The following FAIM variants were observed in gnomAD, a reference collection of about 807,000 sequenced individuals.
FAIM encodes the protein fas apoptotic inhibitory molecule 1.
FAIM carries 14 observed loss-of-function variants against 21.2 expected under a neutral mutation model. The ratio of observed to expected loss-of-function variants is 0.66; its 90% CI spans 0.44 to 1.03. The LOEUF (loss-of-function observed/expected upper bound fraction) is 1.03. FAIM is among the 50% of genes least tolerant of loss of function. The probability of loss-of-function intolerance (pLI) is 0.00; values close to 1 mark genes in which losing one functional copy is unlikely to be tolerated. For synonymous variants in FAIM, 86 were observed against 80.4 expected (o/e 1.07, Z -0.37); for missense variants, 222 against 247.1 (o/e 0.90, Z 0.68).
chr3:138,617,050 G>A (rs946108166), intron 1 of FAIM, among the ~76,000 whole-genome samples: 1 of 151,958 alleles, frequency 6.6e-6, no homozygotes, highest in Admixed American at 6.6e-5. Flanking sequence ...CTGAATGATT[G>A]TTCATAGTTT....
At chr3:138,617,611 A>G (rs933230745) in intron 1 of FAIM, among the ~76,000 whole-genome samples, 5 of 139,408 alleles carry the variant, frequency 3.6e-5, no homozygotes, top group African/African-American at 7.9e-5. Flanking sequence ...ATCTTATACT[A>G]TCTGTCTATC....
chr3:138,616,171 T>C (rs1020861045), intron 1 of FAIM, among the ~76,000 whole-genome samples: 4 of 152,182 alleles, frequency 2.6e-5, no homozygotes, highest in Non-Finnish European at 5.9e-5. Flanking sequence ...TTATTGTTTT[T>C]TGTTTTCCAG....
chr3:138,609,613 G>GCC (rs2042744946), intron 1 of FAIM, among the ~76,000 whole-genome samples: 2 of 14,310 alleles, frequency 1.4e-4, no homozygotes, highest in African/African-American at 3.9e-4. Context: ...TCTCTCTCTC[G>GCC]ACTCTCTCTC....
intron 1 of FAIM, among the ~76,000 whole-genome samples, chr3:138,618,191 G>A (rs2042848566): frequency 6.6e-6 from 1 of 151,656 alleles, no homozygotes; most frequent in Non-Finnish European, 1.5e-5. Context: ...TATTGTTGTA[G>A]GATACCCTCT....
intron 1 of FAIM, among the ~76,000 whole-genome samples, chr3:138,611,807 C>T (rs1426680568): frequency 6.6e-6 from 1 of 152,230 alleles, no homozygotes; most frequent in African/African-American, 2.4e-5. Flanking sequence ...ACAGCCAGCT[C>T]TCCTTTGCCT....
chr3:138,633,110 G>A lies in FAIM; in HGVS notation c.*31G>A. On this transcript the variant is annotated 3_prime_UTR_variant, in exon 6 of 6. Transcript: ENST00000360570. ...TTTCATCTTAAGAAGTAAAGATCAG[G>A]ACTTTTTAATTACTGTGGTAATTAA... 6.3e-7 allele frequency: 1 copy of A among 1,598,678 alleles called. No homozygotes were observed. The highest frequency in any genetic ancestry group is 1.1e-5 in the South Asian group (1 of 89,566).
intron 4 of FAIM, among the ~76,000 whole-genome samples, chr3:138,626,818 C>T (rs989231067): frequency 2.0e-5 from 3 of 152,102 alleles, no homozygotes; most frequent in African/African-American, 7.2e-5. Flanking sequence ...TTTGTACCCC[C>T]GTTAGCTATT....
intron 1 of FAIM, among the ~76,000 whole-genome samples, chr3:138,618,106 C>G (rs1577009782): frequency 6.6e-6 from 1 of 151,044 alleles, no homozygotes; most frequent in East Asian, 2.0e-4. Context: ...TTAGCCTCCC[C>G]CAGTAGCTGG....
At chr3:138,616,702 T>C (rs2042828794) in intron 1 of FAIM, among the ~76,000 whole-genome samples, 1 of 152,200 alleles carries the variant, frequency 6.6e-6, no homozygotes, top group Non-Finnish European at 1.5e-5. Context: ...TAACCATTTA[T>C]AAAAAGATTT....
intron 5 of FAIM, chr3:138,630,949 G>A (rs2042998560): frequency 6.6e-6 from 1 of 151,960 alleles, no homozygotes; most frequent in Non-Finnish European, 1.5e-5. Flanking sequence ...ACTAGTCTGG[G>A]TGACATGGCG....
At chr3:138,627,798 C>T (rs550873917) in intron 4 of FAIM, among the ~76,000 whole-genome samples, 11 of 152,064 alleles carry the variant, frequency 7.2e-5, no homozygotes, top group South Asian at 2.1e-4. Context: ...TTCCATCTAG[C>T]GCACCTCAAA....
chr3:138,609,417 C>T (rs573440404), intron 1 of FAIM, among the ~76,000 whole-genome samples: 3 of 152,050 alleles, frequency 2.0e-5, no homozygotes, highest in Non-Finnish European at 2.9e-5. Flanking sequence ...GCAGCCGTGC[C>T]GCTGCTCCCC....
intron 1 of FAIM, among the ~76,000 whole-genome samples, chr3:138,617,660 A>G (rs1243783461): frequency 7.3e-6 from 1 of 137,474 alleles, no homozygotes; most frequent in Non-Finnish European, 1.5e-5. Flanking sequence ...TATATAATAT[A>G]TATATATATG....
rs546790527 is a variant in FAIM, at chr3:138,627,317, G to T, written c.407-1790G>T. Among the ~76,000 whole-genome samples, 90 of 151,510 alleles carry T rather than the reference G, an allele frequency of 5.9e-4. 1 individual carries two copies. Among genetic ancestry groups the T allele is most frequent in the African/African-American group, 2.2e-3 (89 of 41,362 alleles). On this transcript the variant is annotated intron_variant, in intron 4 of 5. Transcript: ENST00000360570. ...CTGCCTCAGCCTCCTGAGTAGCTGG[G>T]ATTACAGGCGCCCGCCACTACGTCC...
chr3:138,632,253 C>G (rs2043013649), intron 5 of FAIM, among the ~76,000 whole-genome samples: 2 of 151,116 alleles, frequency 1.3e-5, no homozygotes, highest in South Asian at 4.2e-4. Context: ...AATCAATATA[C>G]CAAAAATAGT....
intron 2 of FAIM, among the ~76,000 whole-genome samples, chr3:138,620,016 G>A (rs552371549): frequency 6.6e-6 from 1 of 152,220 alleles, no homozygotes; most frequent in African/African-American, 2.4e-5. Flanking sequence ...TCAGCACAGA[G>A]TTCTTGGCAA....
intron 5 of FAIM, 39 bp downstream of exon 5, chr3:138,629,195 T>C (rs2042975771): frequency 7.4e-6 from 11 of 1,484,060 alleles, no homozygotes; most frequent in African/African-American, 1.5e-5. Context: ...GCCATGTGTC[T>C]CAGTTACCAT....
At chr3:138,620,469 C>T (rs1378300650) in intron 2 of FAIM, among the ~76,000 whole-genome samples, 3 of 152,100 alleles carry the variant, frequency 2.0e-5, no homozygotes, top group African/African-American at 4.8e-5. Context: ...GAAGTATATG[C>T]CAGAAATCTC....
chr3:138,625,700 T>G (rs907552487), intron 4 of FAIM, among the ~76,000 whole-genome samples: 14 of 152,182 alleles, frequency 9.2e-5, no homozygotes, highest in African/African-American at 3.4e-4. Context: ...TCATATTATG[T>G]GCCAGATACT....
Sources: allele counts gnomAD v4.1 joint callset (sites outside exome capture counted in the v4.1 genomes callset), GRCh38; gene constraint gnomAD v4.1.1; transcripts MANE v1.5; gene names NCBI Gene and HGNC (gene_info 2026-07-23, HGNC 2026-07-21).